GLB1L3: variants seen among roughly 807,000 people sequenced by gnomAD.
GLB1L3 encodes the protein beta-galactosidase-1-like protein 3.
In GLB1L3, 89 loss-of-function variants were observed where a neutral mutation model predicts 89.5. The ratio of observed to expected loss-of-function variants is 0.99; its 90% confidence interval spans 0.84 to 1.19. The LOEUF (loss-of-function observed/expected upper bound fraction) is 1.19. GLB1L3 is among the 50% of genes most tolerant of loss of function. The pLI is 0.00. For synonymous variants in GLB1L3, 314 were observed against 312.3 expected (o/e 1.01, Z -0.06); for missense variants, 812 against 813.3 (o/e 1.00, Z 0.02).
At chr11:134,279,504 T>G (rs1025866543) in intron 3 of GLB1L3, among the ~76,000 whole-genome samples, 1 of 151,916 alleles carries the variant, frequency 6.6e-6, no homozygotes, top group African/African-American at 2.4e-5. Context: ...GTAGCTGGGA[T>G]TATGGCTCCC....
chr11:134,292,423 GC>G, intron 8 of GLB1L3: 1 of 482,062 alleles, frequency 2.1e-6, no homozygotes, highest in African/African-American at 1.9e-5. Context: ...CCTTGCTCCT[GC>G]CGTCTTTAAA....
chr11:134,279,524 C>T (rs187583016), intron 3 of GLB1L3, among the ~76,000 whole-genome samples: 1,564 of 152,046 alleles, frequency 0.01, 21 homozygotes, highest in African/African-American at 0.036. Flanking sequence ...CGCCACCACA[C>T]CCGGCTAATT....
chr11:134,277,556 C>A, intron 2 of GLB1L3, 105 bp downstream of exon 2: 1 of 1,531,542 alleles, frequency 6.5e-7, no homozygotes, highest in Non-Finnish European at 9.0e-7. Flanking sequence ...CTAACATATG[C>A]ACAGAACACG....
intron 10 of GLB1L3, among the ~76,000 whole-genome samples, chr11:134,308,569 C>T (rs1942520957): frequency 7.0e-6 from 1 of 143,358 alleles, no homozygotes; most frequent in African/African-American, 2.6e-5. Context: ...CCACCACCAC[C>T]ACCATCACCA....
rs759153508 is a variant in GLB1L3, at chr11:134,277,689, G to C, written c.150-11G>C. The C allele has an allele frequency of 1.3e-4, 202 of 1,595,310 alleles. No homozygotes were observed. The highest frequency in any genetic ancestry group is 1.6e-4 in the Non-Finnish European group (187 of 1,170,386). ...CCTTTCCACTTTCTTTCCCTCGCCC[G>C]CCCCCTCCAGGTTTAATTGGTCTCA... On this transcript the variant is annotated splice_polypyrimidine_tract_variant and intron_variant, in intron 2 of 19. Transcript: ENST00000431683.
intron 6 of GLB1L3, 24 bp from the exon 7 acceptor site, chr11:134,288,774 A>C (rs1941167050): frequency 1.9e-6 from 3 of 1,587,772 alleles, no homozygotes; most frequent in Non-Finnish European, 2.6e-6. Flanking sequence ...CTCACTCTTT[A>C]ACCCTCCTAT....
intron 18 of GLB1L3, among the ~76,000 whole-genome samples, chr11:134,318,222 C>T (rs1462332368): frequency 6.6e-6 from 1 of 152,102 alleles, no homozygotes; most frequent in Non-Finnish European, 1.5e-5. Flanking sequence ...CTCCTTGTCT[C>T]TCCATTTTCT....
downstream of GLB1L3, chr11:134,319,572 C>T (rs1027629265): frequency 6.6e-6 from 1 of 152,000 alleles, no homozygotes; most frequent in African/African-American, 2.4e-5. Flanking sequence ...TCATTTCTGC[C>T]TCCCATACTC....
chr11:134,310,297 G>A, intron 11 of GLB1L3: 1 of 489,138 alleles, frequency 2.0e-6, no homozygotes, highest in Non-Finnish European at 3.7e-6. Context: ...TGGGCCGCCT[G>A]TAGCCCATGA....
At position 134,293,210 on chromosome 11, in the gene GLB1L3, G is replaced by A. The variant is rs1221712133; in HGVS notation, c.876+1G>A. 1 of 1,613,048 alleles carries A rather than the reference G, an allele frequency of 6.2e-7. No homozygotes were observed. Among genetic ancestry groups the A allele is most frequent in the East Asian group, 2.2e-5 (1 of 44,862 alleles). On this transcript the variant is annotated splice_donor_variant, in intron 9 of 19. Coordinates refer to ENST00000431683, the MANE Select transcript of GLB1L3 (RefSeq NM_001080407.3). LOFTEE classifies it high-confidence loss of function. ...TTTCAATCAGCTTCATAAAGTCCAG[G>A]TAAGACATTTCAGACAGGCAGGGTT...
intron 16 of GLB1L3, 92 bp from the exon 17 acceptor site, chr11:134,313,849 C>A: frequency 1.2e-6 from 1 of 803,898 alleles, no homozygotes; most frequent in Non-Finnish European, 2.1e-6. Flanking sequence ...TGTCCTAAGG[C>A]ATGTACAAGT....
rs11827278 is a variant in GLB1L3 at position 134,297,598 on chromosome 11, C to T, written c.876+4389C>T. On this transcript the variant is annotated intron_variant, in intron 9 of 19. Coordinates refer to ENST00000431683, the MANE Select transcript of GLB1L3 (RefSeq NM_001080407.3). ...AATATAGGCCGGGCGCGGTGGCTCA[C>T]GCCTGTAATCCCAGCACTTTGGGAG... Among the ~76,000 whole-genome samples, 890 of 152,078 alleles carry T rather than the reference C, an allele frequency of 5.9e-3. 8 individuals are homozygous for T. The highest frequency in any genetic ancestry group is 0.02 in the African/African-American group (821 of 41,470).
At position 134,309,696 on chromosome 11, in the gene GLB1L3, A is replaced by T. The variant is rs1942627885; in HGVS notation, c.1032A>T (p.Gly344=). ...TCAATGTATATATGTTCCATGGTGG[A>T]ACCAACTTTGGTTTCATGAACGGGG... The part of the protein sequence containing the change: ...ISFNVYMFHG[G]TNFGFMNGAT... Residue 344 remains glycine, a synonymous_variant, in exon 11 of 20, where the codon GGA becomes GGT. Transcript: ENST00000431683. The T allele has an allele frequency of 6.2e-6, 10 of 1,613,396 alleles. No individual in the cohort carries two copies. The highest frequency in any genetic ancestry group is 8.5e-6 in the Non-Finnish European group (10 of 1,179,678).
rs956552974 is a variant in GLB1L3 at position 134,310,638 on chromosome 11, T to G, written c.1167T>G (p.Phe389Leu). Reference protein sequence around the residue: ...TEKYLKLQKLFQSVSATPLPR... With the variant: ...TEKYLKLQKLLQSVSATPLPR... ...AATATCTGAAGCTTCAAAAACTCTT[T>G]CAATCTGTCTCAGGTACTCAGCACC... Residue 389 changes from phenylalanine (F) to leucine (L), a missense_variant, in exon 12 of 20, where the codon TTT becomes TTG. This residue lies in a region of GLB1L3 where 618 missense variants were observed against 604.0 expected (regional missense o/e 1.02). Transcript: ENST00000431683. 2 of 1,612,548 alleles carry G rather than the reference T, an allele frequency of 1.2e-6. No homozygotes were observed. Among genetic ancestry groups the G allele is most frequent in the Admixed American group, 1.7e-5 (1 of 59,978 alleles).
At position 134,283,850 on chromosome 11, in the gene GLB1L3, A is replaced by C. The variant is rs758644793; in HGVS notation, c.636+5A>C. 11 of 1,539,438 alleles carry C rather than the reference A, an allele frequency of 7.1e-6. No individual in the cohort carries two copies. Among genetic ancestry groups the C allele is most frequent in the Non-Finnish European group, 9.0e-6 (10 of 1,113,822 alleles). ...CCCAGAGTGATTCCTCTCCAGGTAA[A>C]GCCAAATTGTCCCCTGCATCTTTCT... On this transcript the variant is annotated splice_donor_5th_base_variant and intron_variant, in intron 6 of 19. Transcript: ENST00000431683.
chr11:134,306,942 A>C (rs1446172225), intron 9 of GLB1L3, among the ~76,000 whole-genome samples, 182 bp from the exon 10 acceptor site: 2 of 152,274 alleles, frequency 1.3e-5, no homozygotes, highest in Non-Finnish European at 2.9e-5. Context: ...TGGAGGAACC[A>C]GAGCTGTGAA....
At chr11:134,313,908 A>G (rs1942865692) in intron 16 of GLB1L3, 33 bp from the exon 17 acceptor site, 2 of 1,386,472 alleles carry the variant, frequency 1.4e-6, no homozygotes, top group East Asian at 4.6e-5. Flanking sequence ...CCTGGCTCAT[A>G]TTCTCTTTCC....
chr11:134,309,720 G>T lies in GLB1L3; in HGVS notation c.1056G>T (p.Gly352=). The part of the protein sequence containing the change: ...HGGTNFGFMN[G]ATYFGKHSGI... ...GAACCAACTTTGGTTTCATGAACGG[G>T]GCCACATATTTCGGGAAGCACTCGG... The change falls in exon 11 of 20, where the codon GGG becomes GGT. Residue 352 remains glycine, a synonymous_variant. Coordinates refer to ENST00000431683, the MANE Select transcript of GLB1L3 (RefSeq NM_001080407.3). 1.2e-6 allele frequency: 2 copies of T among 1,613,378 alleles called. No individual in the cohort carries two copies. The highest frequency in any genetic ancestry group is 1.7e-6 in the Non-Finnish European group (2 of 1,179,646).
chr11:134,308,515 C>CACCACCACT, intron 10 of GLB1L3, among the ~76,000 whole-genome samples: 1 of 107,390 alleles, frequency 9.3e-6, no homozygotes, highest in Non-Finnish European at 2.0e-5. Flanking sequence ...CCACCACCAC[C>CACCACCACT]ACCATGTCCA....
Sources: gnomAD v4.1 joint callset for allele counts (sites outside exome capture counted in the v4.1 genomes callset) on GRCh38, gnomAD v4.1.1 for gene constraint, gnomAD v4.1.1 regional missense constraint, MANE v1.5 for transcripts, NCBI Gene and HGNC (gene_info 2026-07-23, HGNC 2026-07-21) for gene names.